SEZ6L: variants seen among roughly 807,000 people sequenced by gnomAD.
The protein encoded by SEZ6L is seizure related 6 homolog like, also known as seizure 6-like protein.
SEZ6L carries 37 observed loss-of-function variants against 106.2 expected under a neutral mutation model. The ratio of observed to expected loss-of-function variants is 0.35; its 90% CI spans 0.27 to 0.46. The LOEUF is 0.46. SEZ6L is among the 20% of genes least tolerant of loss of function. SEZ6L has a pLI of 1.00. For missense variants in SEZ6L, 1,172 were observed against 1,332.8 expected (o/e 0.88, Z 1.88); for synonymous variants, 541 against 570.4 (o/e 0.95, Z 0.73).
intron 11 of SEZ6L, 127 bp downstream of exon 11, chr22:26,348,040 C>T (rs528139991): frequency 2.6e-5 from 18 of 692,614 alleles, no homozygotes; most frequent in African/African-American, 7.5e-5. Context: ...CACCAATTCA[C>T]GAGCATTGCT....
intron 1 of SEZ6L, among the ~76,000 whole-genome samples, chr22:26,281,617 G>T (rs1234844799): frequency 6.6e-6 from 1 of 151,902 alleles, no homozygotes; most frequent in Admixed American, 6.6e-5. Context: ...TGACCTCGTG[G>T]TCCGCCCACC....
chr22:26,381,870 T>C lies in SEZ6L; in HGVS notation c.*1575T>C, dbSNP rs879883414. 1.3e-5 allele frequency: 5 copies of C among 386,946 alleles called. No individual in the cohort carries two copies. The highest frequency in any genetic ancestry group is 2.6e-5 in the Non-Finnish European group (5 of 195,036). 24.0% of individuals were successfully genotyped at this position (386,946 alleles called of 1,614,324 possible). A position where few individuals can be genotyped will look rare whatever the true frequency, so the allele number is the denominator to read the frequency against. On this transcript the variant is annotated 3_prime_UTR_variant, in exon 17 of 17. Coordinates refer to ENST00000248933, the MANE Select transcript of SEZ6L (RefSeq NM_021115.5). The stretch of plus-strand genomic sequence containing the variant: ...CCCTCTTTGGTGCCCTCCCATTCTC[T>C]CTGGAATTGTTTCAAGTCTGCTGGT...
At chr22:26,245,269 C>T (rs4822697) in intron 1 of SEZ6L, among the ~76,000 whole-genome samples, 36,018 of 152,044 alleles carry the variant, frequency 0.24, 5,069 homozygotes, top group East Asian at 0.38. Context: ...TCCTGTGGAC[C>T]TTGAAGCCAG....
At chr22:26,262,433 A>G (rs1348577935) in intron 1 of SEZ6L, among the ~76,000 whole-genome samples, 1 of 152,216 alleles carries the variant, frequency 6.6e-6, no homozygotes, top group Non-Finnish European at 1.5e-5. Flanking sequence ...GTGATTAGGA[A>G]CCAGGATGTA....
chr22:26,334,830 C>A (rs770340656), intron 9 of SEZ6L, among the ~76,000 whole-genome samples: 2 of 152,168 alleles, frequency 1.3e-5, no homozygotes, highest in Admixed American at 6.5e-5. Flanking sequence ...TCTTGGGAAG[C>A]TTTGTGGTCC....
chr22:26,217,450 T>C (rs1208868613), intron 1 of SEZ6L, among the ~76,000 whole-genome samples: 3 of 152,234 alleles, frequency 2.0e-5, no homozygotes, highest in Non-Finnish European at 4.4e-5. Context: ...AACATTTCTG[T>C]AAACCCCTTC....
chr22:26,338,631 C>G (rs894221003), intron 9 of SEZ6L, among the ~76,000 whole-genome samples: 1 of 152,092 alleles, frequency 6.6e-6, no homozygotes, highest in South Asian at 2.1e-4. Context: ...ACAATCTCAG[C>G]TCACTTCAAC....
chr22:26,312,053 C>A, intron 8 of SEZ6L, 91 bp downstream of exon 8: 1 of 1,276,618 alleles, frequency 7.8e-7, no homozygotes, highest in Non-Finnish European at 1.1e-6. Flanking sequence ...GAGGCCTGTC[C>A]CCAGTTTTCA....
intron 2 of SEZ6L, 120 bp downstream of exon 2, chr22:26,293,266 T>G: frequency 7.4e-7 from 1 of 1,350,974 alleles, no homozygotes; most frequent in South Asian, 1.6e-5. Flanking sequence ...TACCGTCCAT[T>G]GAGCACTGAC....
chr22:26,269,143 A>T (rs1163543060), intron 1 of SEZ6L, among the ~76,000 whole-genome samples: 1 of 152,144 alleles, frequency 6.6e-6, no homozygotes, highest in Non-Finnish European at 1.5e-5. Context: ...ATATTATGGG[A>T]TGTAATTGTC....
intron 9 of SEZ6L, among the ~76,000 whole-genome samples, chr22:26,338,175 C>T (rs678655): frequency 0.81 from 122,627 of 152,154 alleles, 49,836 homozygotes; most frequent in African/African-American, 0.84. Flanking sequence ...ATACAGTTCC[C>T]GTATAAAACC....
intron 12 of SEZ6L, among the ~76,000 whole-genome samples, chr22:26,352,978 C>A (rs1360405933): frequency 2.0e-5 from 3 of 152,228 alleles, no homozygotes; most frequent in Admixed American, 6.5e-5. Flanking sequence ...GCCCAAAGCG[C>A]TTGCTTCATA....
intron 8 of SEZ6L, 71 bp from the exon 9 acceptor site, chr22:26,313,693 T>C (rs749648707): frequency 1.3e-6 from 2 of 1,556,784 alleles, no homozygotes; most frequent in East Asian, 4.6e-5. Flanking sequence ...ATAGCCCACA[T>C]GGTTAGCCGC....
intron 1 of SEZ6L, among the ~76,000 whole-genome samples, chr22:26,194,598 A>G (rs1940459729): frequency 6.6e-6 from 1 of 152,222 alleles, no homozygotes; most frequent in Non-Finnish European, 1.5e-5. Context: ...CATAATATGC[A>G]CTAGGCTCTT....
Position 26,298,996 on chromosome 22 carries a change from G to C in SEZ6L, c.1175G>C (p.Ser392Thr). The C allele has an allele frequency of 1.9e-6, 3 of 1,583,022 alleles. No individual in the cohort carries two copies. The highest frequency in any genetic ancestry group is 2.6e-6 in the Non-Finnish European group (3 of 1,164,344). The change falls in exon 5 of 17, where the codon AGC (serine) becomes ACC (threonine). Residue 392 changes from serine (S) to threonine (T), a missense_variant. Around this residue, in one of 4 missense-constraint regions of SEZ6L, gnomAD observed 534 missense variants for 691.0 expected, o/e 0.77. Transcript: ENST00000248933. Reference protein sequence around the residue: ...FQLHYQAFMLSCNFPRRPDSG... With the variant: ...FQLHYQAFMLTCNFPRRPDSG... ...CATTTCTTCCCAGCCTTCATGCTGA[G>C]CTGCAACTTTCCCCGCCGGCCTGAC...
chr22:26,322,731 G>A (rs1427314905), intron 9 of SEZ6L, among the ~76,000 whole-genome samples: 2 of 152,166 alleles, frequency 1.3e-5, no homozygotes, highest in African/African-American at 4.8e-5. Context: ...GAGGAAAGAA[G>A]GAGGTTGCAC....
At chr22:26,319,103 C>T (rs1242503666) in intron 9 of SEZ6L, among the ~76,000 whole-genome samples, 1 of 152,196 alleles carries the variant, frequency 6.6e-6, no homozygotes, top group Non-Finnish European at 1.5e-5. Context: ...GCCCCCAGCC[C>T]AGCACACTCA....
At chr22:26,229,100 G>T (rs1276783050) in intron 1 of SEZ6L, among the ~76,000 whole-genome samples, 1 of 152,152 alleles carries the variant, frequency 6.6e-6, no homozygotes. Flanking sequence ...AGGTTCAAGC[G>T]ATTCTCCTGC....
In SEZ6L at chr22:26,380,566, C is replaced by G. The variant is rs112693479; in HGVS notation, c.*271C>G. 3 of 385,880 alleles carry G rather than the reference C, an allele frequency of 7.8e-6. No homozygotes were observed. Among genetic ancestry groups the G allele is most frequent in the African/African-American group, 2.0e-5 (1 of 49,832 alleles). 23.9% of individuals were successfully genotyped at this position (385,880 alleles called of 1,614,324 possible). On this transcript the variant is annotated 3_prime_UTR_variant, in exon 17 of 17. Coordinates refer to ENST00000248933, the MANE Select transcript of SEZ6L (RefSeq NM_021115.5). ...GGAAGACTTGCAAAATGGCAAACCG[C>G]GGCAGCAAAAACACAAAACAGCAGA...
Sources: allele counts gnomAD v4.1 joint callset (sites outside exome capture counted in the v4.1 genomes callset), GRCh38; gene constraint gnomAD v4.1.1; regional missense constraint gnomAD v4.1.1; transcripts MANE v1.5; gene names NCBI Gene and HGNC (gene_info 2026-07-23, HGNC 2026-07-21).